The following SIPA1L1 variants were observed in gnomAD, a reference collection of about 807,000 sequenced individuals.
SIPA1L1 encodes signal induced proliferation associated 1 like 1.
In SIPA1L1, 26 loss-of-function variants were observed where a neutral mutation model predicts 162.7. The ratio of observed to expected loss-of-function variants is 0.16; its 90% confidence interval spans 0.12 to 0.22. SIPA1L1 has a LOEUF of 0.22. SIPA1L1 is among the 10% of genes least tolerant of loss of function. The pLI is 1.00. For missense variants in SIPA1L1, 1,874 were observed against 2,241.0 expected (o/e 0.84, Z 3.31); for synonymous variants, 829 against 837.4 (o/e 0.99, Z 0.17).
At chr14:71,330,815 A>G (rs1157621301) in intron 2 of SIPA1L1, 3 of 654,850 alleles carry the variant, frequency 4.6e-6, no homozygotes, top group African/African-American at 1.8e-5. Context: ...TCCATATTCT[A>G]GATATTAACA....
intron 2 of SIPA1L1, among the ~76,000 whole-genome samples, chr14:71,326,360 C>G (rs867127233): frequency 6.6e-6 from 1 of 151,930 alleles, no homozygotes; most frequent in African/African-American, 2.4e-5. Context: ...AGGCACACGC[C>G]GCCACACCTG....
At chr14:71,735,544 G>T in intron 22 of SIPA1L1, 153 bp downstream of exon 22, 1 of 547,004 alleles carries the variant, frequency 1.8e-6, no homozygotes, top group Admixed American at 3.4e-5. Context: ...AGAACGCTTT[G>T]TAACTGAATA....
chr14:71,348,467 A>C (rs1179297311), intron 2 of SIPA1L1, among the ~76,000 whole-genome samples: 2 of 152,168 alleles, frequency 1.3e-5, no homozygotes, highest in African/African-American at 2.4e-5. Context: ...CCGTTGTATC[A>C]ATATCCAACT....
rs557342647 is a variant in SIPA1L1 at position 71,552,643 on chromosome 14, G to A, written c.-303+23273G>A. Among the ~76,000 whole-genome samples the A allele has an allele frequency of 8.6e-5, 13 of 151,980 alleles. No homozygotes were observed. In the South Asian group the frequency reaches 1.5e-3, roughly 17 times the overall value. ...GATCTCCTGACCTTGTGATCCGCCC[G>A]CCTCGGCCTCCCAGAGTGCTGGGAT... On this transcript the variant is annotated intron_variant, in intron 4 of 23. Coordinates refer to ENST00000381232, the MANE Select transcript of SIPA1L1 (RefSeq NM_001386936.1).
intron 7 of SIPA1L1, among the ~76,000 whole-genome samples, chr14:71,626,832 A>G (rs940794946): frequency 1.1e-4 from 16 of 152,238 alleles, no homozygotes; most frequent in African/African-American, 3.1e-4. Flanking sequence ...AGAAGACACA[A>G]TTTATTTCCT....
intron 2 of SIPA1L1, among the ~76,000 whole-genome samples, chr14:71,466,508 A>G (rs1229631531): frequency 1.3e-5 from 2 of 152,128 alleles, no homozygotes; most frequent in African/African-American, 2.4e-5. Context: ...ATAACTCTCA[A>G]AGAAACTAGG....
chr14:71,712,994 G>A (rs2082989627), intron 17 of SIPA1L1, among the ~76,000 whole-genome samples: 1 of 152,146 alleles, frequency 6.6e-6, no homozygotes, highest in South Asian at 2.1e-4. Flanking sequence ...TTCATCCTAA[G>A]TATATTTGCA....
chr14:71,433,052 A>G (rs187385466), intron 2 of SIPA1L1, among the ~76,000 whole-genome samples: 153 of 152,260 alleles, frequency 1.0e-3, no homozygotes, highest in African/African-American at 3.5e-3. Context: ...AAAGAACCTT[A>G]TTTGTTATCT....
At chr14:71,557,968 A>G (rs1460024969) in intron 4 of SIPA1L1, among the ~76,000 whole-genome samples, 1 of 152,220 alleles carries the variant, frequency 6.6e-6, no homozygotes, top group Admixed American at 6.5e-5. Context: ...GGTTTGTGAT[A>G]CTTAAATCAG....
chr14:71,389,821 G>C (rs922854263), intron 2 of SIPA1L1, among the ~76,000 whole-genome samples: 2 of 152,190 alleles, frequency 1.3e-5, no homozygotes, highest in African/African-American at 2.4e-5. Flanking sequence ...CATGCAGACT[G>C]TCAGTGTGGT....
intron 2 of SIPA1L1, chr14:71,330,520 T>G (rs1429250307): frequency 6.3e-7 from 1 of 1,575,372 alleles, no homozygotes; most frequent in Non-Finnish European, 8.7e-7. Context: ...TGCATCAGAG[T>G]CAGGAATCAC....
rs112742432 is a variant in SIPA1L1 at position 71,352,447 on chromosome 14, A to G, written c.-465+31266A>G. On this transcript the variant is annotated intron_variant, in intron 2 of 23. Coordinates refer to ENST00000381232, the MANE Select transcript of SIPA1L1 (RefSeq NM_001386936.1). ...GCCTTGCTTCCTGAGGACTCACACC[A>G]TAGGTTACTGTTGCTGGTTTGTGAG... Among the ~76,000 whole-genome samples, 714 of 152,294 alleles carry G rather than the reference A, an allele frequency of 4.7e-3. 7 individuals carry two copies. The highest frequency in any genetic ancestry group is 0.016 in the African/African-American group (680 of 41,576).
At chr14:71,658,293 T>C (rs376218386) in intron 8 of SIPA1L1, 40 bp from the exon 9 acceptor site, 2 of 944,626 alleles carry the variant, frequency 2.1e-6, no homozygotes, top group Non-Finnish European at 3.4e-6. Context: ...TTATTTTTCC[T>C]GTTATAGTCA....
chr14:71,663,881 C>T (rs2043761586), intron 10 of SIPA1L1, among the ~76,000 whole-genome samples: 1 of 152,142 alleles, frequency 6.6e-6, no homozygotes, highest in South Asian at 2.1e-4. Context: ...GAATTTTGGC[C>T]TGTTTATAAA....
Position 71,733,763 on chromosome 14 carries a change from T to G in SIPA1L1, c.4959T>G (p.Ala1653=). Residue 1653 remains alanine, a synonymous_variant, in exon 21 of 24, where the codon GCT becomes GCG. Transcript: ENST00000381232. ...GCCTGATGCCCCTGCCTGACACTGC[T>G]GCAGACTTGGATTGGTCCAACCTGG... ...DPGLMPLPDT[A]ADLDWSNLVD... 1 of 1,613,552 alleles carries G rather than the reference T, an allele frequency of 6.2e-7. No homozygotes were observed. The highest frequency in any genetic ancestry group is 8.5e-7 in the Non-Finnish European group (1 of 1,180,032).
chr14:71,431,011 G>C (rs2043947397), intron 2 of SIPA1L1, among the ~76,000 whole-genome samples: 1 of 151,656 alleles, frequency 6.6e-6, no homozygotes, highest in Non-Finnish European at 1.5e-5. Flanking sequence ...TGTTATTTAG[G>C]GAAAAAAAAC....
rs2040914305 is a variant in SIPA1L1 at position 71,634,432 on chromosome 14, G to A, written c.1818+10196G>A. Among the ~76,000 whole-genome samples, 4 of 150,560 alleles carry A rather than the reference G, an allele frequency of 2.7e-5. No individual in the cohort carries two copies. In the East Asian group the frequency reaches 7.8e-4, roughly 29 times the overall value. On this transcript the variant is annotated intron_variant, in intron 7 of 23. Transcript: ENST00000381232. ...AAAAAAAAAAAACCCACCTATAAGG[G>A]AAGAACAATTTGAATCACAGATTTT...
At chr14:71,549,744 C>T (rs1355057577) in intron 4 of SIPA1L1, among the ~76,000 whole-genome samples, 1 of 152,184 alleles carries the variant, frequency 6.6e-6, no homozygotes, top group Non-Finnish European at 1.5e-5. Flanking sequence ...GTGGGACCCT[C>T]TCAACTGAAA....
intron 13 of SIPA1L1, among the ~76,000 whole-genome samples, chr14:71,692,301 A>C (rs1187227847): frequency 6.6e-6 from 1 of 152,232 alleles, no homozygotes; most frequent in Non-Finnish European, 1.5e-5. Context: ...CTAAGTTTAG[A>C]ATACTTCATT....
Sources: allele counts gnomAD v4.1 joint callset (sites outside exome capture counted in the v4.1 genomes callset), GRCh38; gene constraint gnomAD v4.1.1; transcripts MANE v1.5; gene names NCBI Gene and HGNC (gene_info 2026-07-23, HGNC 2026-07-21).